The following NR3C1 variants were observed in gnomAD, a reference collection of about 807,000 sequenced individuals.
NR3C1 encodes the protein glucocorticoid receptor.
A neutral mutation model predicts 74.0 loss-of-function variants in NR3C1; 14 were observed. The ratio of observed to expected loss-of-function variants is 0.19; its 90% CI spans 0.12 to 0.30. The LOEUF (loss-of-function observed/expected upper bound fraction) is 0.30, where lower values mean the gene tolerates loss of function less well. Among genes scored for constraint, NR3C1 ranks in the 10% least tolerant of loss-of-function variants. The pLI, the probability that NR3C1 is intolerant of heterozygous loss-of-function variation, is 1.00. For missense variants in NR3C1, 695 were observed against 909.8 expected (o/e 0.76, Z 3.04); for synonymous variants, 308 against 332.5 (o/e 0.93, Z 0.80).
Position 143,400,556 on chromosome 5 carries a change from G to T in NR3C1, c.284C>A (p.Thr95Lys). Reference protein sequence around the residue: ...SMGLYMGETETKVMGNDLGFP... With the variant: ...SMGLYMGETEKKVMGNDLGFP... Reference sequence around the variant, plus strand: ...TCCCAGGTCATTTCCCATCACTTTTGTTTCTGTCTCTCCCATATACAGTCC... The same window carrying T: ...TCCCAGGTCATTTCCCATCACTTTTTTTTCTGTCTCTCCCATATACAGTCC... The change falls in exon 2 of 9, where the codon ACA (threonine) becomes AAA (lysine). Residue 95 changes from threonine (T) to lysine (K), a missense_variant. Physicochemically the swap from Thr to Lys is moderately conservative, Grantham distance 78. Around this residue, in one of 4 missense-constraint regions of NR3C1, gnomAD observed 497 missense variants for 489.5 expected, o/e 1.02. Coordinates refer to ENST00000394464, the MANE Select transcript of NR3C1 (RefSeq NM_000176.3). 1.2e-6 allele frequency: 2 copies of T among 1,614,200 alleles called. No homozygotes were observed. The highest frequency in any genetic ancestry group is 1.7e-6 in the Non-Finnish European group (2 of 1,180,036).
chr5:143,398,529 A>G (rs1839668771), intron 2 of NR3C1, among the ~76,000 whole-genome samples: 1 of 152,018 alleles, frequency 6.6e-6, no homozygotes. Context: ...AAAAATCTGA[A>G]TAACTAGTTA....
chr5:143,292,458 A>T (rs1246224416), intron 7 of NR3C1, among the ~76,000 whole-genome samples: 1 of 152,150 alleles, frequency 6.6e-6, no homozygotes, highest in Non-Finnish European at 1.5e-5. Flanking sequence ...CCCAGGTCAC[A>T]TAAGGGCCTG....
upstream of NR3C1, chr5:143,403,756 C>G (rs1480956377): frequency 4.1e-6 from 4 of 984,620 alleles, no homozygotes; most frequent in East Asian, 2.3e-4. Flanking sequence ...CCCGAGGGGC[C>G]GCGCGGCGGC....
chr5:143,393,419 CCTAGTTGGAGGCCATGGACTGT>C, intron 2 of NR3C1, among the ~76,000 whole-genome samples: 1 of 152,158 alleles, frequency 6.6e-6, no homozygotes, highest in East Asian at 1.9e-4. Context: ...CTCCAAAGTA[CCTAGTTGGAGGCCATGGACTGT>C]CTCCCTTAGC....
intron 2 of NR3C1, among the ~76,000 whole-genome samples, chr5:143,384,671 C>A (rs548906058): frequency 6.6e-6 from 1 of 152,216 alleles, no homozygotes; most frequent in Non-Finnish European, 1.5e-5. Flanking sequence ...CCAAGCCACG[C>A]TGACACAAGG....
chr5:143,308,420 T>C (rs925593975), intron 4 of NR3C1, among the ~76,000 whole-genome samples: 1 of 152,166 alleles, frequency 6.6e-6, no homozygotes, highest in Non-Finnish European at 1.5e-5. Context: ...GCCATGTTCA[T>C]GTCACTGCAC....
chr5:143,325,643 T>C (rs559139416), intron 2 of NR3C1, among the ~76,000 whole-genome samples: 1 of 152,302 alleles, frequency 6.6e-6, no homozygotes, highest in Non-Finnish European at 1.5e-5. Context: ...TATTACTCTT[T>C]TACTCTTCCT....
At chr5:143,421,908 T>TA in intron 1 of NR3C1, among the ~76,000 whole-genome samples, 1 of 152,196 alleles carries the variant, frequency 6.6e-6, no homozygotes, top group East Asian at 1.9e-4. Context: ...TTAGGTATGA[T>TA]ATGGACGTGG....
intron 7 of NR3C1, among the ~76,000 whole-genome samples, chr5:143,283,860 G>A (rs529184667): frequency 1.4e-4 from 21 of 152,290 alleles, no homozygotes; most frequent in Non-Finnish European, 2.1e-4. Context: ...TAGTTAGAGC[G>A]AGACAAAGGA....
At position 143,403,508 on chromosome 5, in the gene NR3C1, G is replaced by T. The variant is rs1365371662; in HGVS notation, c.-311C>A. Reference sequence around the variant, plus strand: ...CTGCTTCGGCCGCTCCGGCTGCGGCGTCTCCTTCCACCCACAGAATCCGTC... The same window carrying T: ...CTGCTTCGGCCGCTCCGGCTGCGGCTTCTCCTTCCACCCACAGAATCCGTC... On this transcript the variant is annotated 5_prime_UTR_variant, in exon 1 of 9. Transcript: ENST00000394464. 4.9e-5 allele frequency: 48 copies of T among 985,140 alleles called. No homozygotes were observed. The highest frequency in any genetic ancestry group is 6.2e-5 in the Admixed American group (1 of 16,254). 61.0% of individuals were successfully genotyped at this position (985,140 alleles called of 1,614,324 possible).
At chr5:143,398,339 A>C (rs1231347657) in intron 2 of NR3C1, among the ~76,000 whole-genome samples, 1 of 149,086 alleles carries the variant, frequency 6.7e-6, no homozygotes, top group African/African-American at 2.5e-5. Flanking sequence ...AAGACATGTA[A>C]GAACCAAGGT....
intron 2 of NR3C1, chr5:143,375,524 T>C (rs1331143264): frequency 2.0e-5 from 3 of 152,260 alleles, no homozygotes; most frequent in Non-Finnish European, 4.4e-5. Context: ...CTGTGATACA[T>C]TTTTAAGAGA....
chr5:143,410,407 A>C (rs1455630279), intron 1 of NR3C1, among the ~76,000 whole-genome samples: 2 of 152,242 alleles, frequency 1.3e-5, no homozygotes, highest in Non-Finnish European at 2.9e-5. Context: ...TTAACAAGAT[A>C]AGAAGATACT....
chr5:143,429,177 T>G (rs1298894735), intron 1 of NR3C1, among the ~76,000 whole-genome samples: 1 of 152,190 alleles, frequency 6.6e-6, no homozygotes, highest in Non-Finnish European at 1.5e-5. Context: ...TCCTCACTTA[T>G]GGTAAGTGCT....
In NR3C1 at chr5:143,332,859, G is replaced by C. The variant is rs1826286990; in HGVS notation, c.1185-18691C>G. ...AAAGAAAATTTTTAGTGGTATCTTT[G>C]TAAAAGTTACCCCCTAGAATCTAAA... On this transcript the variant is annotated intron_variant, in intron 2 of 8. Coordinates refer to ENST00000394464, the MANE Select transcript of NR3C1 (RefSeq NM_000176.3). 6.2e-6 allele frequency: 9 copies of C among 1,452,156 alleles called. No individual in the cohort carries two copies. The Admixed American group carries it at 1.0e-4, about 16-fold the overall frequency. The allele number at this position is 1,452,156 out of a possible 1,614,324, so 90.0% of individuals were successfully genotyped here. A position where few individuals can be genotyped will look rare whatever the true frequency, so the allele number is the denominator to read the frequency against.
chr5:143,331,981 A>G (rs1029770827), intron 2 of NR3C1, among the ~76,000 whole-genome samples: 1 of 152,206 alleles, frequency 6.6e-6, no homozygotes, highest in Non-Finnish European at 1.5e-5. Flanking sequence ...TGGGCAGGGG[A>G]GAAAAGGAAC....
At chr5:143,308,776 T>C (rs577397273) in intron 4 of NR3C1, among the ~76,000 whole-genome samples, 1 of 152,346 alleles carries the variant, frequency 6.6e-6, no homozygotes, top group East Asian at 1.9e-4. Context: ...TGTGACTGAC[T>C]CTGCAACCTA....
At chr5:143,424,091 T>C (rs903494892) in intron 1 of NR3C1, among the ~76,000 whole-genome samples, 14 of 148,648 alleles carry the variant, frequency 9.4e-5, no homozygotes, top group South Asian at 2.1e-4. Flanking sequence ...AGGGATAGCA[T>C]TGGGAGATAT....
chr5:143,321,209 C>T (rs905270891), intron 2 of NR3C1, among the ~76,000 whole-genome samples: 10 of 152,136 alleles, frequency 6.6e-5, no homozygotes, highest in African/African-American at 1.4e-4. Context: ...CAAGGTATCT[C>T]GAGCATCTTT....
Sources: allele counts gnomAD v4.1 joint callset (sites outside exome capture counted in the v4.1 genomes callset), GRCh38; gene constraint gnomAD v4.1.1; regional missense constraint gnomAD v4.1.1; transcripts MANE v1.5; gene names NCBI Gene and HGNC (gene_info 2026-07-23, HGNC 2026-07-21).